MICAL3: variants seen among roughly 807,000 people sequenced by gnomAD.
The protein encoded by MICAL3 is [F-actin]-monooxygenase MICAL3.
A neutral mutation model predicts 207.4 loss-of-function variants in MICAL3; 62 were observed. The ratio of observed to expected loss-of-function variants is 0.30; its 90% CI spans 0.24 to 0.37. The LOEUF is 0.37. Among genes scored for constraint, MICAL3 ranks in the 10% least tolerant of loss-of-function variants. The pLI is 1.00. For synonymous variants in MICAL3, 1,077 were observed against 1,069.3 expected (o/e 1.01, Z -0.14); for missense variants, 2,368 against 2,635.6 (o/e 0.90, Z 2.22).
Position 17,790,647 on chromosome 22 carries a change from C to A in MICAL3, c.*85G>T. On this transcript the variant is annotated 3_prime_UTR_variant, in exon 32 of 32. Transcript: ENST00000441493. ...CGTAAACTCCAAGGAGGTGCCAGGC[C>A]TCCTCAGATCGCGGCTCCGGGTGGT... The A allele has an allele frequency of 1.6e-6, 2 of 1,282,382 alleles. No homozygotes were observed. Among genetic ancestry groups the A allele is most frequent in the South Asian group, 1.4e-5 (1 of 69,286 alleles). The allele number at this position is 1,282,382 out of a possible 1,614,324, so 79.4% of individuals were successfully genotyped here.
chr22:17,833,832 C>CTCCTGGTGGGAGTAT (rs1923071045), intron 20 of MICAL3, among the ~76,000 whole-genome samples: 1 of 152,158 alleles, frequency 6.6e-6, no homozygotes, highest in Admixed American at 6.5e-5. Context: ...GTGAGCAATA[C>CTCCTGGTGGGAGTAT]TCCTGGCGTA....
intron 1 of MICAL3, among the ~76,000 whole-genome samples, chr22:17,969,773 G>A (rs1935318041): frequency 6.6e-6 from 1 of 152,208 alleles, no homozygotes; most frequent in Non-Finnish European, 1.5e-5. Context: ...GAAGCGCAGC[G>A]TCTAGGATGG....
chr22:17,825,259 T>TA lies in MICAL3; in HGVS notation c.3194-2200dup, dbSNP rs574649523. Among the ~76,000 whole-genome samples, 1,052 of 151,100 alleles carry TA rather than the reference T, an allele frequency of 7.0e-3. 11 individuals are homozygous for TA. The highest frequency in any genetic ancestry group is 0.024 in the African/African-American group (993 of 41,148). ...CCTTGAAAGGAAAAATCGTCACAGA[T>TA]AAAAAAAAATAAACAGGTGAGAAAT... On this transcript the variant is annotated intron_variant, in intron 22 of 31. Coordinates refer to ENST00000441493, the MANE Select transcript of MICAL3 (RefSeq NM_015241.3).
chr22:17,966,357 A>G (rs895995428), intron 1 of MICAL3, among the ~76,000 whole-genome samples: 2 of 152,158 alleles, frequency 1.3e-5, no homozygotes, highest in African/African-American at 4.8e-5. Flanking sequence ...GCCTTATTCC[A>G]GAACCCCGCA....
At position 17,826,300 on chromosome 22, in the gene MICAL3, G is replaced by A. The variant is rs563496446; in HGVS notation, c.3193+1344C>T. The A allele has an allele frequency of 1.1e-4, 22 of 209,092 alleles. 1 individual carries two copies. The South Asian group carries it at 1.2e-3, about 11-fold the overall frequency. The allele number at this position is 209,092 out of a possible 1,614,324, so 13.0% of individuals were successfully genotyped here. A position where few individuals can be genotyped will look rare whatever the true frequency, so the allele number is the denominator to read the frequency against. Reference sequence around the variant, plus strand: ...GTGTGCGTCTGATCCATGCAAGGGCGGGCTGTCTGGCAAGGCATGCAGGTA... The same window carrying A: ...GTGTGCGTCTGATCCATGCAAGGGCAGGCTGTCTGGCAAGGCATGCAGGTA... On this transcript the variant is annotated intron_variant, in intron 22 of 31. Transcript: ENST00000441493.
Position 17,900,563 on chromosome 22 carries a change from C to A in MICAL3, c.847+279G>T, listed in dbSNP as rs148525391. ...GCTGCAGTGAGCCGAGATCACGCCA[C>A]TGAACTCCAGCCTGGGCAACAGAGC... On this transcript the variant is annotated intron_variant, in intron 6 of 31. Transcript: ENST00000441493. This position sits in a 1 kb window ranked among gnomAD's most constrained non-coding sequence, Gnocchi z 4.0. 7.9e-5 allele frequency among the ~76,000 whole-genome samples: 12 copies of A among 152,322 alleles called. No homozygotes were observed. The highest frequency in any genetic ancestry group is 1.3e-4 in the Non-Finnish European group (9 of 68,024).
In MICAL3 at chr22:17,902,823, C is replaced by A; in HGVS notation, c.473-76G>T. ...CCCATCCGTGTCGCAGCTCAGGCTC[C>A]CACCCCGCCACCTACGCCCCCTTCA... On this transcript the variant is annotated intron_variant, in intron 3 of 31. Transcript: ENST00000441493. The surrounding 1 kb of genome is among the most constrained non-coding windows in gnomAD (Gnocchi z 4.5). 1.2e-6 allele frequency: 1 copy of A among 837,260 alleles called. No individual in the cohort carries two copies. The highest frequency in any genetic ancestry group is 2.0e-6 in the Non-Finnish European group (1 of 510,538). The allele number at this position is 837,260 out of a possible 1,614,324, so 51.9% of individuals were successfully genotyped here.
chr22:17,871,371 T>C (rs1050302260), intron 17 of MICAL3, among the ~76,000 whole-genome samples: 1 of 152,134 alleles, frequency 6.6e-6, no homozygotes, highest in Non-Finnish European at 1.5e-5. Flanking sequence ...AGAGAGGTGT[T>C]AACACGGGCC....
intron 1 of MICAL3, among the ~76,000 whole-genome samples, chr22:17,965,858 G>A (rs1319687593): frequency 6.6e-6 from 1 of 152,190 alleles, no homozygotes; most frequent in Non-Finnish European, 1.5e-5. Flanking sequence ...AAAGCCAGGA[G>A]TCAAAAATCC....
At chr22:17,849,209 C>T (rs1174570687) in intron 19 of MICAL3, among the ~76,000 whole-genome samples, 1 of 152,218 alleles carries the variant, frequency 6.6e-6, no homozygotes, top group Non-Finnish European at 1.5e-5. Flanking sequence ...CATCACAAAT[C>T]CCACAAGTCC....
At chr22:17,936,082 A>G (rs1052447307) in intron 1 of MICAL3, among the ~76,000 whole-genome samples, 5 of 152,220 alleles carry the variant, frequency 3.3e-5, no homozygotes, top group African/African-American at 1.2e-4. Context: ...CTGGGTATAT[A>G]CCCAAAAGAT....
intron 21 of MICAL3, among the ~76,000 whole-genome samples, chr22:17,830,906 C>G (rs3804050): frequency 0.23 from 35,557 of 152,202 alleles, 5,207 homozygotes; most frequent in Non-Finnish European, 0.33. Context: ...GGGACTGGAT[C>G]AGGAACATGA....
At chr22:17,914,950 G>A (rs1207841370) in intron 1 of MICAL3, among the ~76,000 whole-genome samples, 1 of 152,132 alleles carries the variant, frequency 6.6e-6, no homozygotes, top group Non-Finnish European at 1.5e-5. Context: ...ACAGAAGGTG[G>A]ACCTCAACCT....
chr22:17,996,834 C>T (rs572673288), intron 1 of MICAL3, among the ~76,000 whole-genome samples: 46 of 152,218 alleles, frequency 3.0e-4, no homozygotes, highest in African/African-American at 1.1e-3. Context: ...ATCAGATTTT[C>T]AGCTCTGCCA....
At chr22:17,861,222 C>T in intron 19 of MICAL3, 5 of 985,432 alleles carry the variant, frequency 5.1e-6, no homozygotes, top group Non-Finnish European at 3.6e-6. Context: ...ACCCTTCTAG[C>T]TGGTGTGGGA....
intron 20 of MICAL3, among the ~76,000 whole-genome samples, chr22:17,833,130 G>A (rs1922989631): frequency 6.6e-6 from 1 of 152,196 alleles, no homozygotes; most frequent in African/African-American, 2.4e-5. Context: ...CCACCCTCCT[G>A]CTGCAGTGTA....
chr22:17,947,877 G>T (rs1934148358), intron 1 of MICAL3, among the ~76,000 whole-genome samples: 1 of 151,982 alleles, frequency 6.6e-6, no homozygotes, highest in South Asian at 2.1e-4. Context: ...ACTTAACAAT[G>T]CTCATCTTCA....
Position 17,887,236 on chromosome 22 carries a change from T to C in MICAL3, c.2005-4A>G. On this transcript the variant is annotated splice_polypyrimidine_tract_variant and splice_region_variant and intron_variant, in intron 14 of 31. Transcript: ENST00000441493. ...CCAAGTCCTTTTCCTTTTTATCCTG[T>C]ACCAAGGGAGGAGGGAAACTGCATT... 1 of 1,613,376 alleles carries C rather than the reference T, an allele frequency of 6.2e-7. No individual in the cohort carries two copies. Among genetic ancestry groups the C allele is most frequent in the Non-Finnish European group, 8.5e-7 (1 of 1,179,594 alleles).
Position 17,831,857 on chromosome 22 carries a change from C to T in MICAL3, c.3052G>A (p.Glu1018Lys). 1 of 1,551,788 alleles carries T rather than the reference C, an allele frequency of 6.4e-7. No homozygotes were observed. Among genetic ancestry groups the T allele is most frequent in the South Asian group, 1.2e-5 (1 of 84,008 alleles). Residue 1018 changes from glutamate (E) to lysine (K), a missense_variant, in exon 21 of 32, where the codon GAA (glutamate) becomes AAA (lysine). Around this residue, in one of 4 missense-constraint regions of MICAL3, gnomAD observed 1,770 missense variants for 1,863.2 expected, o/e 0.95. Coordinates refer to ENST00000441493, the MANE Select transcript of MICAL3 (RefSeq NM_015241.3). The stretch of plus-strand genomic sequence containing the variant: ...GGAGCAGAGATTTTGTTCTGACCTT[C>T]ACTGGACTCTTCCTCCTCCTCGTCA... ...DYDEEEEESS[E>K]AGNQRLQQVM... is the part of the protein sequence containing the mutation.
Sources: gnomAD v4.1 joint callset for allele counts (sites outside exome capture counted in the v4.1 genomes callset) on GRCh38, gnomAD v4.1.1 for gene constraint, gnomAD v4.1.1 regional missense constraint, Gnocchi (gnomAD v3.1) non-coding constraint, MANE v1.5 for transcripts, NCBI Gene and HGNC (gene_info 2026-07-23, HGNC 2026-07-21) for gene names.